Variants in EBF1 observed in about 807,000 individuals in gnomAD.
EBF1 encodes the protein transcription factor COE1.
Under a neutral mutation model 68.4 loss-of-function variants are expected in EBF1, and 10 were observed. The observed-to-expected ratio is 0.15, with a 90% CI of 0.09 to 0.25. EBF1 has a LOEUF of 0.25. Ranked by LOEUF, EBF1 falls within the 10% of genes least tolerant of loss-of-function variation. The probability of loss-of-function intolerance (pLI) is 1.00; values close to 1 mark genes in which losing one functional copy is unlikely to be tolerated. For missense variants in EBF1, 509 were observed against 794.4 expected (o/e 0.64, Z 4.32); for synonymous variants, 298 against 299.8 (o/e 0.99, Z 0.06).
rs181526518 is a variant in EBF1, at chr5:158,907,847, G to A, written c.555-67737C>T. On this transcript the variant is annotated intron_variant, in intron 6 of 15. Transcript: ENST00000313708. Reference sequence around the variant, plus strand: ...TAGTGTTCTCTCTTTTGTTCTCAGCGCATTTATCAAGTATGCAGTAGCTTC... The same window carrying A: ...TAGTGTTCTCTCTTTTGTTCTCAGCACATTTATCAAGTATGCAGTAGCTTC... Among the ~76,000 whole-genome samples, 14 of 151,830 alleles carry A rather than the reference G, an allele frequency of 9.2e-5. No individual in the cohort carries two copies. In the East Asian group the frequency reaches 1.2e-3, roughly 13 times the overall value.
intron 5 of EBF1, among the ~76,000 whole-genome samples, chr5:159,079,142 T>C (rs151173141): frequency 5.3e-5 from 8 of 152,330 alleles, no homozygotes; most frequent in African/African-American, 1.9e-4. Flanking sequence ...TAGGCTCTTC[T>C]ATCCTCTCTC....
intron 15 of EBF1, among the ~76,000 whole-genome samples, chr5:158,705,066 C>T (rs1007105606): frequency 6.6e-6 from 1 of 152,206 alleles, no homozygotes; most frequent in Non-Finnish European, 1.5e-5. Context: ...TCACTGCAAC[C>T]TGTCTCCCAG....
At chr5:158,754,216 T>G (rs574474205) in intron 10 of EBF1, among the ~76,000 whole-genome samples, 480 of 152,198 alleles carry the variant, frequency 3.2e-3, no homozygotes, top group Non-Finnish European at 5.1e-3. Flanking sequence ...CTTTAAAGGC[T>G]TCACAATTAA....
intron 6 of EBF1, among the ~76,000 whole-genome samples, chr5:158,916,963 C>A (rs1448414994): frequency 6.6e-6 from 1 of 152,140 alleles, no homozygotes; most frequent in South Asian, 2.1e-4. Context: ...CCTCCCACAA[C>A]GTGTCTCTTG....
chr5:159,054,576 G>A (rs1179861281), intron 6 of EBF1, among the ~76,000 whole-genome samples: 1 of 152,152 alleles, frequency 6.6e-6, no homozygotes, highest in Non-Finnish European at 1.5e-5. Flanking sequence ...ACAAGCAAAG[G>A]ATATTAGCAG....
chr5:159,050,060 C>A (rs1312370090), intron 6 of EBF1, among the ~76,000 whole-genome samples: 1 of 152,042 alleles, frequency 6.6e-6, no homozygotes, highest in Non-Finnish European at 1.5e-5. Context: ...AGAAAGCAGG[C>A]CTTGGAAGAA....
intron 6 of EBF1, among the ~76,000 whole-genome samples, chr5:158,866,158 C>T (rs1324991026): frequency 6.6e-6 from 1 of 152,202 alleles, no homozygotes; most frequent in Non-Finnish European, 1.5e-5. Flanking sequence ...AATCTCTTCC[C>T]AGAGGCCATC....
intron 6 of EBF1, among the ~76,000 whole-genome samples, chr5:159,006,628 TA>T (rs2127664632): frequency 1.0e-5 from 1 of 98,292 alleles, no homozygotes; most frequent in East Asian, 3.3e-4. Context: ...CAAACTCATA[TA>T]ACCAATCATA....
chr5:158,796,762 G>T lies in EBF1; in HGVS notation c.779-287C>A, dbSNP rs144498572. Among the ~76,000 whole-genome samples, 824 of 152,176 alleles carry T rather than the reference G, an allele frequency of 5.4e-3. 12 individuals are homozygous for T. Among genetic ancestry groups the T allele is most frequent in the African/African-American group, 0.019 (796 of 41,512 alleles). On this transcript the variant is annotated intron_variant, in intron 8 of 15. Coordinates refer to ENST00000313708, the MANE Select transcript of EBF1 (RefSeq NM_024007.5). The stretch of plus-strand genomic sequence containing the variant: ...TAAAACACAAAGCAAATTTTAATTT[G>T]TGAAATGCTAAGGATTTTTTTCTTA...
At chr5:158,976,390 C>A (rs925268946) in intron 6 of EBF1, among the ~76,000 whole-genome samples, 4 of 151,828 alleles carry the variant, frequency 2.6e-5, no homozygotes, top group Non-Finnish European at 2.9e-5. Context: ...TGTGTGCAAA[C>A]CCACAATAAA....
intron 6 of EBF1, among the ~76,000 whole-genome samples, chr5:159,046,171 A>G (rs1272194003): frequency 6.6e-6 from 1 of 152,180 alleles, no homozygotes; most frequent in African/African-American, 2.4e-5. Context: ...ATTCCGATAC[A>G]GGTGCCCCTG....
intron 11 of EBF1, among the ~76,000 whole-genome samples, chr5:158,718,950 T>TCTAAG (rs1245792069): frequency 1.3e-5 from 2 of 152,188 alleles, no homozygotes; most frequent in African/African-American, 4.8e-5. Context: ...AATCTCCTTA[T>TCTAAG]CTAAGCTCCT....
chr5:158,960,490 T>C (rs1441500459), intron 6 of EBF1, among the ~76,000 whole-genome samples: 1 of 152,130 alleles, frequency 6.6e-6, no homozygotes, highest in African/African-American at 2.4e-5. Context: ...AAATGATTAA[T>C]AGACTTAAGT....
intron 6 of EBF1, among the ~76,000 whole-genome samples, chr5:158,931,229 G>A (rs1184328939): frequency 6.6e-6 from 1 of 152,086 alleles, no homozygotes; most frequent in Non-Finnish European, 1.5e-5. Flanking sequence ...AACTTAAAGC[G>A]GTCACTATTT....
At chr5:158,829,539 G>T (rs1036888657) in intron 7 of EBF1, among the ~76,000 whole-genome samples, 19 of 149,628 alleles carry the variant, frequency 1.3e-4, no homozygotes, top group African/African-American at 4.6e-4. Flanking sequence ...ATTGTAACAT[G>T]TATCACACTA....
At chr5:158,816,958 T>C (rs998973344) in intron 8 of EBF1, among the ~76,000 whole-genome samples, 4 of 151,908 alleles carry the variant, frequency 2.6e-5, no homozygotes, top group Non-Finnish European at 4.4e-5. Flanking sequence ...TAAGTAGGTC[T>C]GAGCAAACTT....
chr5:159,073,573 A>G, intron 5 of EBF1, 109 bp from the exon 6 acceptor site: 1 of 1,175,608 alleles, frequency 8.5e-7, no homozygotes, highest in Non-Finnish European at 1.3e-6. Context: ...AATTACCACA[A>G]AGCCATACCT....
intron 6 of EBF1, among the ~76,000 whole-genome samples, chr5:159,007,302 A>G (rs912410716): frequency 2.6e-5 from 4 of 152,236 alleles, no homozygotes; most frequent in African/African-American, 7.2e-5. Context: ...GAAAAACTTT[A>G]TATGCCTAAA....
intron 6 of EBF1, among the ~76,000 whole-genome samples, chr5:159,036,354 C>G (rs1317537569): frequency 6.6e-6 from 1 of 151,610 alleles, no homozygotes; most frequent in Admixed American, 6.6e-5. Context: ...CAAGTCAATC[C>G]TAAGCCAAAA....
Sources: allele counts gnomAD v4.1 joint callset (sites outside exome capture counted in the v4.1 genomes callset), GRCh38; gene constraint gnomAD v4.1.1; transcripts MANE v1.5; gene names NCBI Gene and HGNC (gene_info 2026-07-23, HGNC 2026-07-21).